The following PRKAR1B variants were observed in gnomAD, a reference collection of about 807,000 sequenced individuals.
The protein encoded by PRKAR1B is protein kinase cAMP-dependent type I regulatory subunit beta.
A neutral mutation model predicts 46.5 loss-of-function variants in PRKAR1B; 22 were observed. That is an observed-to-expected ratio of 0.47 (90% CI 0.34 to 0.68). The LOEUF (loss-of-function observed/expected upper bound fraction) is 0.68, where lower values mean the gene tolerates loss of function less well. Ranked by LOEUF, PRKAR1B falls within the 30% of genes least tolerant of loss-of-function variation. The pLI, the probability that PRKAR1B is intolerant of heterozygous loss-of-function variation, is 0.01. For synonymous variants in PRKAR1B, 259 were observed against 217.7 expected, an observed-to-expected ratio of 1.19 and a Z score of -1.67; for missense variants, 445 against 535.6, an observed-to-expected ratio of 0.83 and a Z score of 1.67.
At chr7:726,706 G>A (rs1342194291) in intron 1 of PRKAR1B, 5 of 1,237,148 alleles carry the variant, frequency 4.0e-6, no homozygotes, top group South Asian at 3.8e-5. Flanking sequence ...CTTAGTGACC[G>A]GCGACGCGGG....
chr7:616,083 A>T (rs1782808587), intron 4 of PRKAR1B, among the ~76,000 whole-genome samples: 1 of 152,084 alleles, frequency 6.6e-6, no homozygotes, highest in South Asian at 2.1e-4. Context: ...ACCACTGCCG[A>T]GACCCTCCCA....
chr7:689,468 T>C (rs1399265700), intron 2 of PRKAR1B, among the ~76,000 whole-genome samples: 3 of 152,026 alleles, frequency 2.0e-5, no homozygotes, highest in African/African-American at 7.2e-5. Flanking sequence ...AACATAATAA[T>C]AAACAAAAAA....
chr7:665,304 C>T (rs1785842520), intron 4 of PRKAR1B, among the ~76,000 whole-genome samples: 1 of 152,214 alleles, frequency 6.6e-6, no homozygotes, highest in Non-Finnish European at 1.5e-5. Flanking sequence ...CCAGCCAGGT[C>T]AAAGTCCCAG....
intron 4 of PRKAR1B, among the ~76,000 whole-genome samples, chr7:674,253 A>G (rs1786455618): frequency 6.6e-6 from 1 of 151,956 alleles, no homozygotes. Flanking sequence ...CTAATCCTGA[A>G]TTCCAGCCAC....
chr7:680,688 G>A lies in PRKAR1B; in HGVS notation c.216C>T (p.Asn72=). The change falls in exon 3 of 11, where the codon AAC becomes AAT. Residue 72 remains asparagine, a synonymous_variant. Coordinates refer to ENST00000537384, the MANE Select transcript of PRKAR1B (RefSeq NM_001164760.2). ...NRQILARQKS[N]SQSDSHDEEV... The stretch of plus-strand genomic sequence containing the variant: ...CCTCATCATGGGAGTCCGACTGTGA[G>A]TTTGACTTTTGCCGCGCCAAAATCT... The A allele has an allele frequency of 1.9e-6, 3 of 1,613,896 alleles. No individual in the cohort carries two copies. Among genetic ancestry groups the A allele is most frequent in the East Asian group, 2.2e-5 (1 of 44,882 alleles).
Position 585,450 on chromosome 7 carries a change from C to T in PRKAR1B, c.709-882G>A, listed in dbSNP as rs554020914. Among the ~76,000 whole-genome samples, 7 of 152,342 alleles carry T rather than the reference C, an allele frequency of 4.6e-5. No homozygotes were observed. The East Asian group carries it at 1.3e-3, about 29-fold the overall frequency. On this transcript the variant is annotated intron_variant, in intron 7 of 10. Transcript: ENST00000537384. ...CAGAGTCCACCCGGACAGCAGCAAGCTCGACTTTGCTAAAATTCAAATGGT... is the reference window on the plus strand; with the variant it reads ...CAGAGTCCACCCGGACAGCAGCAAGTTCGACTTTGCTAAAATTCAAATGGT...
chr7:571,608 G>A (rs374765386), intron 9 of PRKAR1B, among the ~76,000 whole-genome samples: 38 of 152,314 alleles, frequency 2.5e-4, no homozygotes, highest in South Asian at 6.2e-4. Context: ...CTGCCGCCCC[G>A]TATAGGAGGA....
intron 7 of PRKAR1B, among the ~76,000 whole-genome samples, chr7:591,388 T>C (rs1780967438): frequency 6.6e-6 from 1 of 152,190 alleles, no homozygotes; most frequent in Non-Finnish European, 1.5e-5. Flanking sequence ...GTACAGGGCT[T>C]CCTCAAGCCC....
At chr7:707,551 TAACCTCAGAACCTCAG>T (rs113213510) in intron 2 of PRKAR1B, among the ~76,000 whole-genome samples, 2 of 151,670 alleles carry the variant, frequency 1.3e-5, no homozygotes, top group Non-Finnish European at 2.9e-5. Flanking sequence ...TCTGGAGTCC[TAACCTCAGAACCTCAG>T]AACCTCAGAA....
chr7:654,586 C>T (rs1045781768), intron 4 of PRKAR1B, among the ~76,000 whole-genome samples: 6 of 151,886 alleles, frequency 4.0e-5, no homozygotes, highest in African/African-American at 1.2e-4. Flanking sequence ...CCATCACCAT[C>T]TTCACCACCT....
chr7:721,509 A>C (rs547103187), intron 1 of PRKAR1B, among the ~76,000 whole-genome samples: 1 of 152,298 alleles, frequency 6.6e-6, no homozygotes, highest in African/African-American at 2.4e-5. Context: ...ATACTCGGGC[A>C]TGGTGGCACA....
intron 4 of PRKAR1B, among the ~76,000 whole-genome samples, chr7:621,464 A>C (rs1309205437): frequency 1.3e-5 from 2 of 152,246 alleles, no homozygotes; most frequent in African/African-American, 4.8e-5. Context: ...CAACACAGGG[A>C]CCTTGTACTC....
intron 3 of PRKAR1B, among the ~76,000 whole-genome samples, chr7:679,770 T>C (rs1778552293): frequency 6.6e-6 from 1 of 152,194 alleles, no homozygotes; most frequent in Non-Finnish European, 1.5e-5. Context: ...CCAGCCATGC[T>C]ATGGTATTTG....
intron 8 of PRKAR1B, among the ~76,000 whole-genome samples, chr7:582,208 T>G (rs1206893672): frequency 6.6e-6 from 1 of 152,254 alleles, no homozygotes; most frequent in Admixed American, 6.5e-5. Flanking sequence ...TCTGCAGACT[T>G]GCAGCTCCCA....
At chr7:630,615 T>C (rs997516745) in intron 4 of PRKAR1B, among the ~76,000 whole-genome samples, 1 of 152,170 alleles carries the variant, frequency 6.6e-6, no homozygotes, top group Non-Finnish European at 1.5e-5. Context: ...GCCATACGGG[T>C]GAGGCTGGCC....
chr7:630,808 C>T (rs542301601), intron 4 of PRKAR1B, among the ~76,000 whole-genome samples: 1 of 152,162 alleles, frequency 6.6e-6, no homozygotes, highest in South Asian at 2.1e-4. Flanking sequence ...GGGAGCACAC[C>T]CCCCCCACCA....
chr7:664,385 T>C (rs1020630597), intron 4 of PRKAR1B, among the ~76,000 whole-genome samples: 2 of 152,164 alleles, frequency 1.3e-5, no homozygotes, highest in African/African-American at 4.8e-5. Flanking sequence ...CCTGGCACCC[T>C]CCATCTGAAG....
chr7:696,549 C>G (rs1021034915), intron 2 of PRKAR1B, among the ~76,000 whole-genome samples: 1 of 152,180 alleles, frequency 6.6e-6, no homozygotes, highest in African/African-American at 2.4e-5. Context: ...GCTGGGATGA[C>G]AGGTGTGAGC....
intron 2 of PRKAR1B, among the ~76,000 whole-genome samples, chr7:701,175 G>A (rs762722245): frequency 3.3e-5 from 5 of 149,888 alleles, no homozygotes; most frequent in East Asian, 2.0e-4. Context: ...GCAAGAGAGC[G>A]AGACTCTGAA....
Sources: gnomAD v4.1 joint callset for allele counts (sites outside exome capture counted in the v4.1 genomes callset) on GRCh38, gnomAD v4.1.1 for gene constraint, MANE v1.5 for transcripts, NCBI Gene and HGNC (gene_info 2026-07-23, HGNC 2026-07-21) for gene names.